REDIC1: variants seen among roughly 807,000 people sequenced by gnomAD.
The protein encoded by REDIC1 is regulator of DNA class I crossover intermediates 1.
the REDIC1 span, among the ~76,000 whole-genome samples, chr12:39,719,491 A>T: frequency 6.6e-6 from 1 of 151,804 alleles, no homozygotes; most frequent in African/African-American, 2.4e-5. Flanking sequence ...GCGTGTGCCT[A>T]TGGTCCCAGT....
the REDIC1 span, among the ~76,000 whole-genome samples, chr12:39,648,955 T>G: frequency 6.6e-6 from 1 of 151,798 alleles, no homozygotes; most frequent in Non-Finnish European, 1.5e-5. Flanking sequence ...GGCCCAATAA[T>G]TTTTGAATGA....
chr12:39,692,590 T>C, the REDIC1 span, among the ~76,000 whole-genome samples: 1 of 152,034 alleles, frequency 6.6e-6, no homozygotes, highest in Admixed American at 6.5e-5. Flanking sequence ...TTGATACTTG[T>C]AGCTCTAGTA....
chr12:39,887,311 A>T, the REDIC1 span, among the ~76,000 whole-genome samples: 1 of 152,224 alleles, frequency 6.6e-6, no homozygotes, highest in Non-Finnish European at 1.5e-5. Context: ...ATGGATGGGC[A>T]GCCAGTCTGT....
At chr12:39,876,922 T>C in the REDIC1 span, among the ~76,000 whole-genome samples, 2 of 152,070 alleles carry the variant, frequency 1.3e-5, no homozygotes, top group African/African-American at 4.8e-5. Context: ...AAGTATGGAG[T>C]AGTTTATTGA....
At chr12:39,722,630 A>G in the REDIC1 span, among the ~76,000 whole-genome samples, 348 of 152,266 alleles carry the variant, frequency 2.3e-3, 2 homozygotes, top group South Asian at 5.2e-3. Context: ...AAAGTCTAGC[A>G]ATATTGAAAG....
At chr12:39,649,817 AAAATT>A in the REDIC1 span, among the ~76,000 whole-genome samples, 1 of 152,014 alleles carries the variant, frequency 6.6e-6, no homozygotes, top group Non-Finnish European at 1.5e-5. Flanking sequence ...GATATTCAGA[AAAATT>A]AAAGTAGCAA....
At chr12:39,672,216 G>GGT in the REDIC1 span, among the ~76,000 whole-genome samples, 1 of 152,134 alleles carries the variant, frequency 6.6e-6, no homozygotes, top group Non-Finnish European at 1.5e-5. Flanking sequence ...CAGATGCAGG[G>GGT]GTGTGTGGAA....
chr12:39,804,248 A>C, the REDIC1 span, among the ~76,000 whole-genome samples: 1 of 152,174 alleles, frequency 6.6e-6, no homozygotes, highest in Non-Finnish European at 1.5e-5. Flanking sequence ...AAGTAGTAAA[A>C]ATACAACAAA....
At chr12:39,756,511 C>T in the REDIC1 span, 1 of 151,768 alleles carries the variant, frequency 6.6e-6, no homozygotes, top group African/African-American at 2.4e-5. Flanking sequence ...ACCAAAATAA[C>T]ATTCCAACTC....
the REDIC1 span, among the ~76,000 whole-genome samples, chr12:39,767,667 G>A: frequency 6.6e-6 from 1 of 152,024 alleles, no homozygotes; most frequent in Non-Finnish European, 1.5e-5. Context: ...GTTTAGCTGT[G>A]TCTTCACCCA....
At chr12:39,834,244 ATAT>A in the REDIC1 span, among the ~76,000 whole-genome samples, 1 of 152,056 alleles carries the variant, frequency 6.6e-6, no homozygotes, top group South Asian at 2.1e-4. Flanking sequence ...TCAAAAAAAG[ATAT>A]TATTTTTTCT....
chr12:39,655,666 T>A, the REDIC1 span, among the ~76,000 whole-genome samples: 5 of 152,338 alleles, frequency 3.3e-5, no homozygotes, highest in African/African-American at 1.2e-4. Flanking sequence ...GGTTTGCCAC[T>A]GAAAATATGA....
At chr12:39,667,177 C>A in the REDIC1 span, among the ~76,000 whole-genome samples, 1 of 152,200 alleles carries the variant, frequency 6.6e-6, no homozygotes, top group Admixed American at 6.5e-5. Flanking sequence ...AATTTTAGAT[C>A]TTTCCTGCTT....
At chr12:39,690,082 C>G in the REDIC1 span, among the ~76,000 whole-genome samples, 1 of 152,048 alleles carries the variant, frequency 6.6e-6, no homozygotes, top group South Asian at 2.1e-4. Context: ...CCAGAGGGGC[C>G]AAGGCAAGAG....
chr12:39,651,115 A>G, the REDIC1 span, among the ~76,000 whole-genome samples: 1 of 152,212 alleles, frequency 6.6e-6, no homozygotes, highest in Non-Finnish European at 1.5e-5. Flanking sequence ...GTATGCATAC[A>G]TCTATGGTAA....
the REDIC1 span, among the ~76,000 whole-genome samples, chr12:39,786,628 A>C: frequency 6.6e-6 from 1 of 152,198 alleles, no homozygotes; most frequent in African/African-American, 2.4e-5. Context: ...AGGATGGTCA[A>C]AGCCATCTGG....
the REDIC1 span, among the ~76,000 whole-genome samples, chr12:39,711,440 T>C: frequency 3.5e-5 from 2 of 57,660 alleles, no homozygotes; most frequent in Non-Finnish European, 4.8e-5. Context: ...TATGTATATG[T>C]GTGTACATAT....
the REDIC1 span, among the ~76,000 whole-genome samples, chr12:39,708,948 A>T: frequency 6.6e-6 from 1 of 151,908 alleles, no homozygotes; most frequent in Non-Finnish European, 1.5e-5. Context: ...GTGTTAGTTT[A>T]GTATGAAGTA....
At chr12:39,683,776 A>G in the REDIC1 span, among the ~76,000 whole-genome samples, 7 of 152,098 alleles carry the variant, frequency 4.6e-5, no homozygotes, top group East Asian at 9.6e-4. Flanking sequence ...CAGAATGTCA[A>G]TTTATTAACT....
Sources: allele counts gnomAD v4.1 joint callset (sites outside exome capture counted in the v4.1 genomes callset), GRCh38; gene constraint gnomAD v4.1.1; transcripts MANE v1.5; gene names NCBI Gene and HGNC (gene_info 2026-07-23, HGNC 2026-07-21).